Variants in PTGIS observed in about 807,000 individuals in gnomAD.
PTGIS encodes the protein prostacyclin synthase.
PTGIS carries 45 observed loss-of-function variants against 50.3 expected under a neutral mutation model. The ratio of observed to expected loss-of-function variants is 0.90; its 90% CI spans 0.70 to 1.15. PTGIS has a LOEUF of 1.15. PTGIS is among the 50% of genes most tolerant of loss of function. The pLI is 0.00. For synonymous variants in PTGIS, 260 were observed against 267.7 expected (o/e 0.97, Z 0.28); for missense variants, 668 against 661.3 (o/e 1.01, Z -0.11).
chr20:49,512,950 T>TG, intron 8 of PTGIS, 130 bp downstream of exon 8: 2 of 1,115,616 alleles, frequency 1.8e-6, no homozygotes, highest in Non-Finnish European at 2.6e-6. Flanking sequence ...CACAGAGAGG[T>TG]GAAGCAATCT....
At chr20:49,552,912 G>A (rs1450438319) in intron 1 of PTGIS, among the ~76,000 whole-genome samples, 2 of 151,992 alleles carry the variant, frequency 1.3e-5, no homozygotes, top group Non-Finnish European at 2.9e-5. Flanking sequence ...GTCTGTCTAT[G>A]TATTTATATG....
At chr20:49,564,975 T>TC (rs1036639027) in intron 1 of PTGIS, among the ~76,000 whole-genome samples, 4 of 148,568 alleles carry the variant, frequency 2.7e-5, no homozygotes, top group African/African-American at 9.9e-5. Flanking sequence ...GTTTGCCCTT[T>TC]TTTTTTTTTT....
intron 1 of PTGIS, among the ~76,000 whole-genome samples, chr20:49,562,410 C>T (rs566805461): frequency 6.6e-6 from 1 of 152,160 alleles, no homozygotes; most frequent in Non-Finnish European, 1.5e-5. Context: ...AGGCAGGAAG[C>T]CCGGAGCCCA....
In PTGIS at chr20:49,524,207, G is replaced by A. The variant is rs5626; in HGVS notation, c.706C>T (p.Arg236Cys). 1.5e-3 allele frequency: 2,406 copies of A among 1,614,158 alleles called. 23 individuals carry two copies. The African/African-American group carries it at 0.026, about 18-fold the overall frequency. ...DKDHMCSVKS[R>C]LWKLLSPARL... Reference sequence around the variant, plus strand: ...GCTGGGGATAGCAGCTTCCACAGGCGACTTTTGACACTGCACATGTGGTCC... The same window carrying A: ...GCTGGGGATAGCAGCTTCCACAGGCAACTTTTGACACTGCACATGTGGTCC... The change falls in exon 6 of 10, where the codon CGC becomes TGC. Residue 236 changes from arginine (R) to cysteine (C), a missense_variant. Coordinates refer to ENST00000244043, the MANE Select transcript of PTGIS (RefSeq NM_000961.4).
chr20:49,559,926 CTTTT>C (rs58437903), intron 1 of PTGIS, among the ~76,000 whole-genome samples: 2 of 142,616 alleles, frequency 1.4e-5, no homozygotes, highest in Admixed American at 7.0e-5. Flanking sequence ...GAATTATACA[CTTTT>C]TTTTTTTTTT....
intron 5 of PTGIS, among the ~76,000 whole-genome samples, chr20:49,531,391 T>C (rs1256661053): frequency 6.6e-6 from 1 of 152,172 alleles, no homozygotes; most frequent in African/African-American, 2.4e-5. Context: ...AGCCCCCTCC[T>C]GAAATGTGGT....
chr20:49,521,207 T>C (rs978684940), intron 6 of PTGIS, among the ~76,000 whole-genome samples: 1 of 152,176 alleles, frequency 6.6e-6, no homozygotes, highest in Non-Finnish European at 1.5e-5. Context: ...GGTGCTACCA[T>C]CTCCATTTTA....
intron 5 of PTGIS, among the ~76,000 whole-genome samples, chr20:49,529,466 C>G (rs919811332): frequency 6.6e-6 from 1 of 152,144 alleles, no homozygotes; most frequent in Non-Finnish European, 1.5e-5. Context: ...GAATAACATT[C>G]TTTCGTGGAT....
At chr20:49,563,076 C>A (rs1982816102) in intron 1 of PTGIS, among the ~76,000 whole-genome samples, 1 of 152,196 alleles carries the variant, frequency 6.6e-6, no homozygotes, top group Non-Finnish European at 1.5e-5. Flanking sequence ...AGAGCAGAGG[C>A]TGGCATGGTT....
At chr20:49,557,964 C>T (rs949415522) in intron 1 of PTGIS, among the ~76,000 whole-genome samples, 2 of 152,184 alleles carry the variant, frequency 1.3e-5, no homozygotes, top group South Asian at 2.1e-4. Flanking sequence ...GCACAGACCT[C>T]TCTACTGGGC....
At chr20:49,566,979 G>C (rs1982914856) in intron 1 of PTGIS, among the ~76,000 whole-genome samples, 1 of 152,148 alleles carries the variant, frequency 6.6e-6, no homozygotes, top group African/African-American at 2.4e-5. Flanking sequence ...GGAACTTTTT[G>C]TACTATCTTT....
At chr20:49,539,275 T>C (rs1601194000) in intron 5 of PTGIS, among the ~76,000 whole-genome samples, 1 of 152,142 alleles carries the variant, frequency 6.6e-6, no homozygotes, top group African/African-American at 2.4e-5. Context: ...GTAAAAACTT[T>C]TAAAGCAACT....
At chr20:49,562,517 G>C (rs1168733114) in intron 1 of PTGIS, among the ~76,000 whole-genome samples, 2 of 152,338 alleles carry the variant, frequency 1.3e-5, no homozygotes, top group Middle Eastern at 3.4e-3. Flanking sequence ...GCAGCCAGCG[G>C]GGGCGAAGGA....
chr20:49,556,386 T>C (rs1429064027), intron 1 of PTGIS, among the ~76,000 whole-genome samples: 1 of 152,212 alleles, frequency 6.6e-6, no homozygotes, highest in Non-Finnish European at 1.5e-5. Flanking sequence ...TGGCTTCATA[T>C]ACCCTGTCGT....
rs1982211185 is a variant in PTGIS at position 49,540,964 on chromosome 20, G to A, written c.522-1243C>T. Among the ~76,000 whole-genome samples, 1 of 152,194 alleles carries A rather than the reference G, an allele frequency of 6.6e-6. No homozygotes were observed. The highest frequency in any genetic ancestry group is 1.5e-5 in the Non-Finnish European group (1 of 68,032). On this transcript the variant is annotated intron_variant, in intron 4 of 9. Coordinates refer to ENST00000244043, the MANE Select transcript of PTGIS (RefSeq NM_000961.4). This position sits in a 1 kb window ranked among gnomAD's most constrained non-coding sequence, Gnocchi z 4.8. ...GGGTTTTCCCAGATGAAGAGAGAAT[G>A]GAAGCAGGAATGAGGGTAGGTGGGG...
At chr20:49,550,311 G>T (rs1982474372) in intron 1 of PTGIS, 122 bp from the exon 2 acceptor site, 1 of 1,283,920 alleles carries the variant, frequency 7.8e-7, no homozygotes, top group Non-Finnish European at 1.1e-6. Flanking sequence ...AGCACTCGGG[G>T]ACTATTGCCT....
intron 5 of PTGIS, among the ~76,000 whole-genome samples, chr20:49,531,613 T>C (rs1981938438): frequency 6.6e-6 from 1 of 152,148 alleles, no homozygotes; most frequent in Non-Finnish European, 1.5e-5. Flanking sequence ...GGGATTCCAG[T>C]ACAATTTGCT....
intron 5 of PTGIS, among the ~76,000 whole-genome samples, chr20:49,536,470 C>CTTTTTTTTTTTTTTTT (rs1471525960): frequency 7.4e-6 from 1 of 135,104 alleles, no homozygotes; most frequent in Admixed American, 7.3e-5. Context: ...TTCTTTCTTT[C>CTTTTTTTTTTTTTTTT]TTTCTTTCTT....
In PTGIS at chr20:49,505,109, C is replaced by A. The variant is rs1391049632; in HGVS notation, c.*2811G>T. 1 of 119,382 alleles carries A rather than the reference C, an allele frequency of 8.4e-6. No homozygotes were observed. The highest frequency in any genetic ancestry group is 3.6e-5 in the African/African-American group (1 of 27,544). 7.4% of individuals were successfully genotyped at this position (119,382 alleles called of 1,614,324 possible). A position where few individuals can be genotyped will look rare whatever the true frequency, so the allele number is the denominator to read the frequency against. On this transcript the variant is annotated 3_prime_UTR_variant, in exon 10 of 10. Transcript: ENST00000244043. Reference sequence around the variant, plus strand: ...CTGCACTCTAGCCTGGGCAGCAGAGCGAGACTCCATCTCAAAAAAAAAAAA... The same window carrying A: ...CTGCACTCTAGCCTGGGCAGCAGAGAGAGACTCCATCTCAAAAAAAAAAAA...
Sources: gnomAD v4.1 joint callset for allele counts (sites outside exome capture counted in the v4.1 genomes callset) on GRCh38, gnomAD v4.1.1 for gene constraint, Gnocchi (gnomAD v3.1) non-coding constraint, MANE v1.5 for transcripts, NCBI Gene and HGNC (gene_info 2026-07-23, HGNC 2026-07-21) for gene names.